The following ZNF653 variants were observed in gnomAD, a reference collection of about 807,000 sequenced individuals.
ZNF653 encodes the protein 67 kDa zinc finger protein.
A neutral mutation model predicts 59.9 loss-of-function variants in ZNF653; 37 were observed. The ratio of observed to expected loss-of-function variants is 0.62; its 90% CI spans 0.48 to 0.81. The LOEUF (loss-of-function observed/expected upper bound fraction) is 0.81, where lower values mean the gene tolerates loss of function less well. Among genes scored for constraint, ZNF653 ranks in the 40% least tolerant of loss-of-function variants. The pLI is 0.00. For synonymous variants in ZNF653, 435 were observed against 371.8 expected, an observed-to-expected ratio of 1.17 and a Z score of -1.96; for missense variants, 808 against 881.1, an observed-to-expected ratio of 0.92 and a Z score of 1.05.
At chr19:11,502,844 G>A (rs1307896069) in intron 1 of ZNF653, among the ~76,000 whole-genome samples, 1 of 152,078 alleles carries the variant, frequency 6.6e-6, no homozygotes, top group Non-Finnish European at 1.5e-5. Context: ...GACCAGCCTA[G>A]CCAACATGGC....
chr19:11,483,687 T>G lies in ZNF653; in HGVS notation c.1843A>C (p.Thr615Pro), dbSNP rs1224145465. 1.9e-6 allele frequency: 3 copies of G among 1,611,920 alleles called. No individual in the cohort carries two copies. Among genetic ancestry groups the G allele is most frequent in the African/African-American group, 1.3e-5 (1 of 74,844 alleles). ...TLKSHPDHKP[T>P] ...GCGGTCAGTGGTCAGGTGGGTCAGGTGGGCTTGTGATCCGGGTGGCTTTTG... is the reference window on the plus strand; with the variant it reads ...GCGGTCAGTGGTCAGGTGGGTCAGGGGGGCTTGTGATCCGGGTGGCTTTTG... Residue 615 changes from threonine to proline, a missense_variant, in exon 9 of 9, where the codon ACC becomes CCC. Thr to Pro is a conservative substitution (Grantham distance 38). Transcript: ENST00000293771.
At chr19:11,499,613 A>T (rs1036662678) in intron 1 of ZNF653, among the ~76,000 whole-genome samples, 67 of 136,924 alleles carry the variant, frequency 4.9e-4, no homozygotes, top group African/African-American at 1.3e-3. Context: ...TATACAATTA[A>T]AAAAAAAAAA....
rs772054136 is a variant in ZNF653, at chr19:11,483,685, G to C, written c.1845C>G (p.Thr615=). ...TLKSHPDHKP[T] is the part of the protein sequence containing the mutation. ...GGGCGGTCAGTGGTCAGGTGGGTCA[G>C]GTGGGCTTGTGATCCGGGTGGCTTT... The change falls in exon 9 of 9, where the codon ACC becomes ACG. Residue 615 remains threonine (T), a synonymous_variant. Transcript: ENST00000293771. The C allele has an allele frequency of 2.2e-5, 35 of 1,611,766 alleles. No individual in the cohort carries two copies. Among genetic ancestry groups the C allele is most frequent in the Non-Finnish European group, 3.0e-5 (35 of 1,178,128 alleles).
At chr19:11,505,345 A>G (rs1971702347) in intron 1 of ZNF653, 143 bp downstream of exon 1, 7 of 843,738 alleles carry the variant, frequency 8.3e-6, no homozygotes, top group African/African-American at 1.8e-5. Context: ...GCCAGGCAGT[A>G]CGAGACCCAG....
In ZNF653 at chr19:11,484,088, G is replaced by A. The variant is rs904854108; in HGVS notation, c.1624C>T (p.His542Tyr). ...TCGKSFKRKN[H>Y]LEVHRRTHTG... Reference sequence around the variant, plus strand: ...TGGGTGCGCCGATGTACCTCCAGGTGGTTCTTCCTCTTGAAGGACTTGCCG... The same window carrying A: ...TGGGTGCGCCGATGTACCTCCAGGTAGTTCTTCCTCTTGAAGGACTTGCCG... The change falls in exon 8 of 9, where the codon CAC (histidine) becomes TAC (tyrosine). Residue 542 changes from histidine to tyrosine, a missense_variant. Transcript: ENST00000293771. 6.4e-7 allele frequency: 1 copy of A among 1,560,112 alleles called. No individual in the cohort carries two copies. The highest frequency in any genetic ancestry group is 8.7e-7 in the Non-Finnish European group (1 of 1,151,912).
At position 11,503,459 on chromosome 19, in the gene ZNF653, G is replaced by A. The variant is rs576756798; in HGVS notation, c.299+2029C>T. 1.1e-4 allele frequency among the ~76,000 whole-genome samples: 17 copies of A among 151,940 alleles called. No homozygotes were observed. The South Asian group carries it at 2.5e-3, about 22-fold the overall frequency. On this transcript the variant is annotated intron_variant, in intron 1 of 8. Coordinates refer to ENST00000293771, the MANE Select transcript of ZNF653 (RefSeq NM_138783.4). ...TCTTCATTTCACTTTTGTTTTTTCC[G>A]TAGCCCCTATCTCTCATGGACGATA... is the stretch of plus-strand genomic sequence containing the variant.
At chr19:11,499,400 G>A (rs1223578640) in intron 1 of ZNF653, among the ~76,000 whole-genome samples, 4 of 152,090 alleles carry the variant, frequency 2.6e-5, no homozygotes, top group African/African-American at 4.8e-5. Flanking sequence ...ATCTTGTAGG[G>A]CACAGTGGCT....
chr19:11,492,740 C>T, intron 3 of ZNF653, among the ~76,000 whole-genome samples: 1 of 152,154 alleles, frequency 6.6e-6, no homozygotes, highest in East Asian at 1.9e-4. Context: ...GCAGAGCCCC[C>T]AGTGCCGAGA....
chr19:11,495,432 G>A lies in ZNF653; in HGVS notation c.559+518C>T. The stretch of plus-strand genomic sequence containing the variant: ...AGGGAGGAGAAATGGGGAACAGGAG[G>A]GAAACAGAATGGAGGGGGAAGGCAA... On this transcript the variant is annotated intron_variant, in intron 3 of 8. Transcript: ENST00000293771. The surrounding 1 kb of genome is among the most constrained non-coding windows in gnomAD (Gnocchi z 4.9). The A allele has an allele frequency of 6.0e-6, 1 of 167,918 alleles. No individual in the cohort carries two copies. The highest frequency in any genetic ancestry group is 1.4e-4 in the South Asian group (1 of 7,092). The allele number at this position is 167,918 out of a possible 1,614,324, so 10.4% of individuals were successfully genotyped here. A position where few individuals can be genotyped will look rare whatever the true frequency, so the allele number is the denominator to read the frequency against.
chr19:11,487,636 A>G lies in ZNF653; in HGVS notation c.827T>C (p.Val276Ala). 6.2e-7 allele frequency: 1 copy of G among 1,613,776 alleles called. No homozygotes were observed. The highest frequency in any genetic ancestry group is 8.5e-7 in the Non-Finnish European group (1 of 1,179,940). The change falls in exon 4 of 9, where the codon GTG becomes GCG. Residue 276 changes from valine (V) to alanine (A), a missense_variant. Transcript: ENST00000293771. The surrounding 1 kb of genome is among the most constrained non-coding windows in gnomAD (Gnocchi z 5.1). ...TTGCACAGGCACCGGCACGCACACC[A>G]CTGTCTCCAGGGCTTCAGGCCCATT... ...AGNGPEALET[V>A]VCVPVPVQVG...
intron 1 of ZNF653, chr19:11,504,604 T>C (rs1401573189): frequency 2.0e-6 from 2 of 982,558 alleles, no homozygotes; most frequent in African/African-American, 1.7e-5. Context: ...TGTTTGATTC[T>C]TGACTCTCAG....
In ZNF653 at chr19:11,495,810, C is replaced by T. The variant is rs542496855; in HGVS notation, c.559+140G>A. ...CCACGAAGGACTCAGCCTGGCCCAT[C>T]GTGTCCCTGCTCTGCCCCAGTGCCA... is the stretch of plus-strand genomic sequence containing the variant. On this transcript the variant is annotated intron_variant, in intron 3 of 8. Transcript: ENST00000293771. The surrounding 1 kb of genome is among the most constrained non-coding windows in gnomAD (Gnocchi z 4.9). The T allele has an allele frequency of 2.0e-5, 17 of 860,404 alleles. No homozygotes were observed. Among genetic ancestry groups the T allele is most frequent in the African/African-American group, 6.7e-5 (4 of 59,432 alleles). The allele number at this position is 860,404 out of a possible 1,614,324, so 53.3% of individuals were successfully genotyped here.
chr19:11,488,730 TGGGACTACAGGCAACCGCCAC>T (rs1971498694), intron 3 of ZNF653, among the ~76,000 whole-genome samples: 1 of 151,666 alleles, frequency 6.6e-6, no homozygotes, highest in Non-Finnish European at 1.5e-5. Flanking sequence ...CCCGAGTAGC[TGGGACTACAGGCAACCGCCAC>T]CACGCCCAGC....
At chr19:11,501,961 A>C (rs149418749) in intron 1 of ZNF653, among the ~76,000 whole-genome samples, 4,906 of 151,316 alleles carry the variant, frequency 0.032, 116 homozygotes, top group East Asian at 0.078. Flanking sequence ...CGCCCAGCTA[A>C]TTTTTGTATT....
intron 1 of ZNF653, among the ~76,000 whole-genome samples, chr19:11,499,694 T>C (rs1483219236): frequency 6.6e-6 from 1 of 150,738 alleles, no homozygotes; most frequent in African/African-American, 2.4e-5. Flanking sequence ...GGTGCATCGC[T>C]TGAGGCCAGA....
rs138157855 is a variant in ZNF653 at position 11,495,854 on chromosome 19, C to T, written c.559+96G>A. On this transcript the variant is annotated intron_variant, in intron 3 of 8. Transcript: ENST00000293771. This position sits in a 1 kb window ranked among gnomAD's most constrained non-coding sequence, Gnocchi z 4.9. ...AGTGCCAGAGCCAGAGCCAGAGCCA[C>T]TGTGGCTGCTATTCTGTTTGTGATG... 5.8e-4 allele frequency: 747 copies of T among 1,294,524 alleles called. 3 individuals carry two copies. The African/African-American group carries it at 9.1e-3, about 16-fold the overall frequency. The allele number at this position is 1,294,524 out of a possible 1,614,324, so 80.2% of individuals were successfully genotyped here. A position where few individuals can be genotyped will look rare whatever the true frequency, so the allele number is the denominator to read the frequency against.
intron 3 of ZNF653, among the ~76,000 whole-genome samples, chr19:11,492,208 C>T (rs928778016): frequency 5.9e-5 from 9 of 151,854 alleles, no homozygotes; most frequent in Non-Finnish European, 7.4e-5. Context: ...CACCATGCCC[C>T]GCCAATTTTT....
intron 3 of ZNF653, among the ~76,000 whole-genome samples, chr19:11,488,131 G>T (rs544243187): frequency 6.8e-6 from 1 of 146,750 alleles, no homozygotes; most frequent in Non-Finnish European, 1.5e-5. Flanking sequence ...GGGACTACAG[G>T]TGTGCGCCAC....
chr19:11,487,219 G>T lies in ZNF653; in HGVS notation c.1172-61C>A, dbSNP rs1035441401. 4.4e-6 allele frequency: 7 copies of T among 1,601,184 alleles called. No homozygotes were observed. Among genetic ancestry groups the T allele is most frequent in the Non-Finnish European group, 6.0e-6 (7 of 1,173,694 alleles). On this transcript the variant is annotated intron_variant, in intron 4 of 8. Coordinates refer to ENST00000293771, the MANE Select transcript of ZNF653 (RefSeq NM_138783.4). This position sits in a 1 kb window ranked among gnomAD's most constrained non-coding sequence, Gnocchi z 5.1. ...CGAAGGCTGCCGAGGTGCCCACTTC[G>T]AGGGCCATTCCTCGCCCGGCCCCTC...
Sources: allele counts gnomAD v4.1 joint callset (sites outside exome capture counted in the v4.1 genomes callset), GRCh38; gene constraint gnomAD v4.1.1; non-coding constraint Gnocchi (gnomAD v3.1); transcripts MANE v1.5; gene names NCBI Gene and HGNC (gene_info 2026-07-23, HGNC 2026-07-21).